Variants in AMBRA1 observed in about 807,000 individuals in gnomAD.
The protein encoded by AMBRA1 is activating molecule in BECN1-regulated autophagy protein 1.
In AMBRA1, 47 loss-of-function variants were observed where a neutral mutation model predicts 125.4. The ratio of observed to expected loss-of-function variants is 0.37; its 90% CI spans 0.30 to 0.48. The LOEUF (loss-of-function observed/expected upper bound fraction) is 0.48. Among genes scored for constraint, AMBRA1 ranks in the 20% least tolerant of loss-of-function variants. The probability of loss-of-function intolerance (pLI) is 0.99; values close to 1 mark genes in which losing one functional copy is unlikely to be tolerated. For missense variants in AMBRA1, 1,331 were observed against 1,693.4 expected (o/e 0.79, Z 3.76); for synonymous variants, 626 against 655.5 (o/e 0.95, Z 0.69).
chr11:46,512,045 G>A (rs534576951), intron 8 of AMBRA1, among the ~76,000 whole-genome samples: 10 of 152,112 alleles, frequency 6.6e-5, no homozygotes, highest in Admixed American at 1.3e-4. Context: ...TAGTAGAGAC[G>A]GGGTTTTGCC....
At chr11:46,496,797 C>T (rs1461395010) in intron 9 of AMBRA1, among the ~76,000 whole-genome samples, 1 of 150,868 alleles carries the variant, frequency 6.6e-6, no homozygotes, top group Non-Finnish European at 1.5e-5. Context: ...TCAGTTTATC[C>T]CTTCATTTAA....
chr11:46,479,361 G>A (rs1949963937), intron 11 of AMBRA1, among the ~76,000 whole-genome samples: 1 of 152,156 alleles, frequency 6.6e-6, no homozygotes, highest in Non-Finnish European at 1.5e-5. Flanking sequence ...CTGGTTTGGG[G>A]CTTACCCAAA....
intron 9 of AMBRA1, among the ~76,000 whole-genome samples, chr11:46,505,709 A>G (rs1951012760): frequency 6.7e-6 from 1 of 148,612 alleles, no homozygotes. Context: ...GGCTGGGGGG[A>G]GCATAAGGAG....
rs201504923 is a variant in AMBRA1 at position 46,417,901 on chromosome 11, T to C, written c.3116+12A>G. On this transcript the variant is annotated intron_variant, in intron 15 of 17. Coordinates refer to ENST00000683756, the MANE Select transcript of AMBRA1 (RefSeq NM_001387011.1). ...CAGTGATCCCTCAACCCCCACACTTTAAGCCACTTACTCTGGTCGGCAGAT... is the reference window on the plus strand; with the variant it reads ...CAGTGATCCCTCAACCCCCACACTTCAAGCCACTTACTCTGGTCGGCAGAT... 1.9e-6 allele frequency: 3 copies of C among 1,599,944 alleles called. No homozygotes were observed. Among genetic ancestry groups the C allele is most frequent in the East Asian group, 2.2e-5 (1 of 44,476 alleles).
At chr11:46,543,439 C>T (rs1209477381) in intron 6 of AMBRA1, 41 bp from the exon 7 acceptor site, 1 of 1,591,702 alleles carries the variant, frequency 6.3e-7, no homozygotes, top group Non-Finnish European at 8.5e-7. Flanking sequence ...TAGAGCAAGG[C>T]AGTTAGGTAG....
At chr11:46,493,344 T>C (rs1950529927) in intron 11 of AMBRA1, among the ~76,000 whole-genome samples, 1 of 151,998 alleles carries the variant, frequency 6.6e-6, no homozygotes, top group African/African-American at 2.4e-5. Flanking sequence ...AATTGCTGGA[T>C]TAAGAAACAA....
intron 17 of AMBRA1, among the ~76,000 whole-genome samples, chr11:46,407,508 G>C (rs144639588): frequency 6.6e-6 from 1 of 152,240 alleles, no homozygotes; most frequent in African/African-American, 2.4e-5. Context: ...GGCTCACAGC[G>C]GAGGTTGGCT....
Position 46,593,881 on chromosome 11 carries a change from G to C in AMBRA1, c.-174C>G, listed in dbSNP as rs1350273206. On this transcript the variant is annotated 5_prime_UTR_variant, in exon 1 of 18. Coordinates refer to ENST00000683756, the MANE Select transcript of AMBRA1 (RefSeq NM_001387011.1). The stretch of plus-strand genomic sequence containing the variant: ...AGTCCAGCGAACGGGCTGAGCCACA[G>C]GGAAAAAGAAAGAGGAGACAGGAAT... 5.0e-6 allele frequency: 2 copies of C among 398,062 alleles called. No individual in the cohort carries two copies. The highest frequency in any genetic ancestry group is 4.4e-6 in the Non-Finnish European group (1 of 226,056). 24.7% of individuals were successfully genotyped at this position (398,062 alleles called of 1,614,324 possible).
chr11:46,590,191 T>C (rs2044546688), intron 1 of AMBRA1, among the ~76,000 whole-genome samples: 2 of 151,664 alleles, frequency 1.3e-5, no homozygotes, highest in Admixed American at 1.3e-4. Flanking sequence ...GCCAACACGG[T>C]GAAACCCCAT....
chr11:46,543,926 G>A (rs763224382), intron 6 of AMBRA1, 49 bp downstream of exon 6: 1 of 1,451,288 alleles, frequency 6.9e-7, no homozygotes, highest in Admixed American at 1.8e-5. Context: ...TACTAGTTAA[G>A]AAAAGAACTC....
chr11:46,566,733 A>G (rs988935589), intron 1 of AMBRA1, among the ~76,000 whole-genome samples: 11 of 152,190 alleles, frequency 7.2e-5, no homozygotes, highest in African/African-American at 2.4e-4. Context: ...AGTGAAAAAG[A>G]TCTGACCTAA....
At chr11:46,587,473 T>C (rs562615905) in intron 1 of AMBRA1, among the ~76,000 whole-genome samples, 15 of 152,316 alleles carry the variant, frequency 9.8e-5, no homozygotes, top group South Asian at 2.1e-4. Context: ...AGTATTATCA[T>C]ACATTAAATA....
intron 9 of AMBRA1, among the ~76,000 whole-genome samples, chr11:46,505,145 C>A (rs998967422): frequency 6.6e-6 from 1 of 152,226 alleles, no homozygotes; most frequent in Non-Finnish European, 1.5e-5. Flanking sequence ...CCATATCTAC[C>A]TTACATGTCT....
intron 7 of AMBRA1, among the ~76,000 whole-genome samples, chr11:46,516,909 G>T (rs966364200): frequency 1.3e-5 from 2 of 151,882 alleles, no homozygotes; most frequent in Non-Finnish European, 2.9e-5. Flanking sequence ...AGACAAGCTT[G>T]TTCAGGTTCG....
chr11:46,478,977 T>C (rs571682279), intron 11 of AMBRA1, among the ~76,000 whole-genome samples: 7 of 152,250 alleles, frequency 4.6e-5, no homozygotes, highest in Admixed American at 1.3e-4. Flanking sequence ...GGTGGTAGGA[T>C]CGCTTGAGCC....
chr11:46,457,427 T>G (rs1014690336), intron 11 of AMBRA1, among the ~76,000 whole-genome samples: 1 of 152,140 alleles, frequency 6.6e-6, no homozygotes, highest in Admixed American at 6.5e-5. Flanking sequence ...GGGAAAAATT[T>G]AACGGTTGAC....
At position 46,547,200 on chromosome 11, in the gene AMBRA1, A is replaced by C; in HGVS notation, c.291T>G (p.Thr97=). Residue 97 remains threonine, a synonymous_variant, in exon 4 of 18, where the codon ACT becomes ACG. Coordinates refer to ENST00000683756, the MANE Select transcript of AMBRA1 (RefSeq NM_001387011.1). ...CVHSLIGHRR[T]PWCVTFHPTI... ...TGGGATGAAAAGTGACACACCATGG[A>C]GTACGGCGGTGTCCAATCAGGGAAT... The C allele has an allele frequency of 1.2e-6, 2 of 1,614,162 alleles. No homozygotes were observed. The highest frequency in any genetic ancestry group is 1.7e-6 in the Non-Finnish European group (2 of 1,180,000).
intron 6 of AMBRA1, 32 bp from the exon 7 acceptor site, chr11:46,543,430 A>G: frequency 6.3e-7 from 1 of 1,598,894 alleles, no homozygotes; most frequent in Non-Finnish European, 8.5e-7. Flanking sequence ...GGCAGGGGGT[A>G]GAGCAAGGCA....
In AMBRA1 at chr11:46,494,178, C is replaced by G; in HGVS notation, c.2366G>C (p.Arg789Pro). 3 of 1,606,496 alleles carry G rather than the reference C, an allele frequency of 1.9e-6. No individual in the cohort carries two copies. Among genetic ancestry groups the G allele is most frequent in the Non-Finnish European group, 2.6e-6 (3 of 1,176,054 alleles). Residue 789 changes from arginine (R) to proline (P), a missense_variant, in exon 10 of 18, where the codon CGA becomes CCA. Arg to Pro is a moderately radical substitution (Grantham distance 103). Transcript: ENST00000683756. ...FEDNGDRSRH[R>P]APRNARMSAP... ...AGACATCCGGGCATTGCGTGGAGCT[C>G]GGTGCCTGGATCTGTCACCATTGTC...
Sources: gnomAD v4.1 joint callset for allele counts (sites outside exome capture counted in the v4.1 genomes callset) on GRCh38, gnomAD v4.1.1 for gene constraint, MANE v1.5 for transcripts, NCBI Gene and HGNC (gene_info 2026-07-23, HGNC 2026-07-21) for gene names.